The following FGF12 variants were observed in gnomAD, a reference collection of about 807,000 sequenced individuals.
FGF12 encodes fibroblast growth factor 12.
In FGF12, 14 loss-of-function variants were observed where a neutral mutation model predicts 23.6. The observed-to-expected ratio is 0.59, with a 90% CI of 0.39 to 0.93. The LOEUF (loss-of-function observed/expected upper bound fraction) is 0.93. FGF12 is among the 40% of genes least tolerant of loss of function. FGF12 has a pLI of 0.00. For synonymous variants in FGF12, 62 were observed against 77.3 expected (o/e 0.80, Z 1.04); for missense variants, 175 against 217.8 (o/e 0.80, Z 1.24).
intron 2 of FGF12, among the ~76,000 whole-genome samples, chr3:192,491,376 A>G (rs1224997117): frequency 1.3e-5 from 2 of 152,168 alleles, no homozygotes; most frequent in African/African-American, 4.8e-5. Context: ...TTTCTATAAA[A>G]CATAGGTACC....
chr3:192,670,498 T>G (rs1409304116), intron 2 of FGF12, among the ~76,000 whole-genome samples: 1 of 152,118 alleles, frequency 6.6e-6, no homozygotes, highest in Non-Finnish European at 1.5e-5. Context: ...AACAATAGTA[T>G]TTTTGAAATA....
At chr3:192,696,413 C>A (rs1338510135) in intron 2 of FGF12, among the ~76,000 whole-genome samples, 2 of 152,092 alleles carry the variant, frequency 1.3e-5, no homozygotes, top group African/African-American at 2.4e-5. Context: ...CTTCTAGAAT[C>A]AGCAAACAGA....
At chr3:192,663,956 C>G in intron 2 of FGF12, among the ~76,000 whole-genome samples, 1 of 152,134 alleles carries the variant, frequency 6.6e-6, no homozygotes, top group South Asian at 2.1e-4. Flanking sequence ...AATAGTATCC[C>G]CATGTTAGAT....
At chr3:192,425,699 G>A (rs1368750944) in intron 2 of FGF12, among the ~76,000 whole-genome samples, 1 of 152,188 alleles carries the variant, frequency 6.6e-6, no homozygotes, top group Non-Finnish European at 1.5e-5. Context: ...ATGCATTGCT[G>A]TGGAATTTGT....
chr3:192,688,767 T>A (rs1049322297), intron 2 of FGF12, among the ~76,000 whole-genome samples: 2 of 152,152 alleles, frequency 1.3e-5, no homozygotes, highest in African/African-American at 4.8e-5. Context: ...GAAATCAGTA[T>A]GTCAAAAGGA....
At chr3:192,432,400 T>C (rs1721884124) in intron 2 of FGF12, among the ~76,000 whole-genome samples, 1 of 151,932 alleles carries the variant, frequency 6.6e-6, no homozygotes, top group South Asian at 2.1e-4. Context: ...TCCCCTAAAA[T>C]GCATACCCTA....
At chr3:192,256,546 G>A (rs1032559382) in intron 4 of FGF12, among the ~76,000 whole-genome samples, 2 of 151,884 alleles carry the variant, frequency 1.3e-5, no homozygotes, top group African/African-American at 2.4e-5. Context: ...ATACTAATTT[G>A]CATGTTATTT....
intron 3 of FGF12, among the ~76,000 whole-genome samples, chr3:192,342,366 G>A (rs1717733375): frequency 6.6e-6 from 1 of 152,120 alleles, no homozygotes; most frequent in Non-Finnish European, 1.5e-5. Context: ...AGAATCATGG[G>A]ATGCATAGGC....
At chr3:192,189,624 T>C (rs1301050578) in intron 4 of FGF12, among the ~76,000 whole-genome samples, 1 of 152,176 alleles carries the variant, frequency 6.6e-6, no homozygotes, top group South Asian at 2.1e-4. Context: ...AATTTGGATA[T>C]GCACAGAAAC....
chr3:192,148,770 T>C (rs1455111231), intron 5 of FGF12, among the ~76,000 whole-genome samples: 2 of 152,080 alleles, frequency 1.3e-5, no homozygotes, highest in Non-Finnish European at 2.9e-5. Flanking sequence ...TTTAGAACTG[T>C]ATTAAGGAAG....
At position 192,223,520 on chromosome 3, in the gene FGF12, T is replaced by C. The variant is rs182159094; in HGVS notation, c.229-52864A>G. On this transcript the variant is annotated intron_variant, in intron 4 of 5. Coordinates refer to ENST00000445105, the MANE Select transcript of FGF12 (RefSeq NM_004113.6). Reference sequence around the variant, plus strand: ...TCCTCAGATAATATGGAAATAATGTTATGCCTTTTTAGCATTCATTAATGA... The same window carrying C: ...TCCTCAGATAATATGGAAATAATGTCATGCCTTTTTAGCATTCATTAATGA... 2.0e-5 allele frequency among the ~76,000 whole-genome samples: 3 copies of C among 152,332 alleles called. No individual in the cohort carries two copies. In the East Asian group the frequency reaches 5.8e-4, roughly 29 times the overall value.
intron 5 of FGF12, among the ~76,000 whole-genome samples, chr3:192,155,179 C>T (rs1328379881): frequency 6.6e-5 from 10 of 151,928 alleles, no homozygotes; most frequent in South Asian, 4.2e-4. Flanking sequence ...GGCTCGCGCA[C>T]GGTGCGCGCA....
chr3:192,346,582 C>T (rs1242562579), intron 3 of FGF12, among the ~76,000 whole-genome samples: 1 of 152,092 alleles, frequency 6.6e-6, no homozygotes, highest in East Asian at 1.9e-4. Flanking sequence ...AGCTAGAAGG[C>T]AGGAATTGTA....
At chr3:192,376,008 T>C (rs541219680) in intron 2 of FGF12, among the ~76,000 whole-genome samples, 1 of 152,302 alleles carries the variant, frequency 6.6e-6, no homozygotes, top group East Asian at 1.9e-4. Context: ...TGGATTGTTT[T>C]AAGAATCCAC....
intron 2 of FGF12, among the ~76,000 whole-genome samples, chr3:192,552,324 C>T (rs574945110): frequency 1.2e-4 from 18 of 150,752 alleles, no homozygotes; most frequent in Admixed American, 2.6e-4. Flanking sequence ...GAAAAGGAGA[C>T]GGAGGAGGAG....
intron 2 of FGF12, among the ~76,000 whole-genome samples, chr3:192,453,247 C>A (rs1313823469): frequency 1.3e-5 from 2 of 152,012 alleles, no homozygotes; most frequent in Non-Finnish European, 2.9e-5. Context: ...TCAATTATAT[C>A]TTTCACTTTT....
At position 192,514,772 on chromosome 3, in the gene FGF12, G is replaced by T. The variant is rs1724607004; in HGVS notation, c.14-154234C>A. 2 of 985,278 alleles carry T rather than the reference G, an allele frequency of 2.0e-6. No homozygotes were observed. The highest frequency in any genetic ancestry group is 1.7e-5 in the African/African-American group (1 of 57,246). 61.0% of individuals were successfully genotyped at this position (985,278 alleles called of 1,614,324 possible). On this transcript the variant is annotated intron_variant, in intron 2 of 5. Transcript: ENST00000445105. This position sits in a 1 kb window ranked among gnomAD's most constrained non-coding sequence, Gnocchi z 4.9. The stretch of plus-strand genomic sequence containing the variant: ...AGAATCTTCATGGAGAAGCGCGTGT[G>T]TGGGGTTGGTCAACTCCCCGCCCAC...
rs549049887 is a variant in FGF12, at chr3:192,579,056, T to C, written c.13+148125A>G. Among the ~76,000 whole-genome samples, 7 of 152,382 alleles carry C rather than the reference T, an allele frequency of 4.6e-5. No homozygotes were observed. The East Asian group carries it at 1.3e-3, about 29-fold the overall frequency. On this transcript the variant is annotated intron_variant, in intron 2 of 5. Coordinates refer to ENST00000445105, the MANE Select transcript of FGF12 (RefSeq NM_004113.6). ...TATAATTTCTTTTTCTCTTTTCTTTTAATGATTTTCACTAGTTCTTTTTCA... is the reference window on the plus strand; with the variant it reads ...TATAATTTCTTTTTCTCTTTTCTTTCAATGATTTTCACTAGTTCTTTTTCA...
intron 2 of FGF12, among the ~76,000 whole-genome samples, chr3:192,695,549 G>A (rs1718090975): frequency 6.6e-6 from 1 of 152,156 alleles, no homozygotes; most frequent in Non-Finnish European, 1.5e-5. Context: ...CACAGGAAAT[G>A]TCTTATGTCA....
Sources: gnomAD v4.1 joint callset for allele counts (sites outside exome capture counted in the v4.1 genomes callset) on GRCh38, gnomAD v4.1.1 for gene constraint, Gnocchi (gnomAD v3.1) non-coding constraint, MANE v1.5 for transcripts, NCBI Gene and HGNC (gene_info 2026-07-23, HGNC 2026-07-21) for gene names.